UBR1: variants seen among roughly 807,000 people sequenced by gnomAD.
The protein encoded by UBR1 is ubiquitin protein ligase E3 component n-recognin 1.
In UBR1, 102 loss-of-function variants were observed where a neutral mutation model predicts 242.1. The observed-to-expected ratio is 0.42, with a 90% confidence interval of 0.36 to 0.50. UBR1 has a LOEUF of 0.50. Ranked by LOEUF, UBR1 falls within the 20% of genes least tolerant of loss-of-function variation. The pLI, the probability that UBR1 is intolerant of heterozygous loss-of-function variation, is 0.01. For missense variants in UBR1, 1,772 were observed against 2,101.8 expected (o/e 0.84, Z 3.07); for synonymous variants, 675 against 684.8 (o/e 0.99, Z 0.22).
At chr15:42,966,664 C>T (rs1006791757) in intron 40 of UBR1, among the ~76,000 whole-genome samples, 3 of 145,630 alleles carry the variant, frequency 2.1e-5, no homozygotes, top group East Asian at 2.0e-4. Flanking sequence ...GGCAACAGAG[C>T]GAGACGCTGA....
At position 43,106,008 on chromosome 15, in the gene UBR1, C is replaced by T. The variant is rs2034293920; in HGVS notation, c.15G>A (p.Glu5=). MADE[E]AGGTERMEIS... The stretch of plus-strand genomic sequence containing the variant: ...TTTCCATCCTCTCAGTACCTCCAGC[C>T]TCCTCGTCCGCCATCTTGAGGGAAA... The change falls in exon 1 of 47, where the codon GAG becomes GAA. Residue 5 remains glutamate (E), a synonymous_variant. Transcript: ENST00000290650. 1.2e-6 allele frequency: 2 copies of T among 1,613,312 alleles called. No individual in the cohort carries two copies. Among genetic ancestry groups the T allele is most frequent in the East Asian group, 2.2e-5 (1 of 44,848 alleles).
chr15:43,005,188 C>T (rs1365683098), intron 30 of UBR1, among the ~76,000 whole-genome samples: 1 of 152,074 alleles, frequency 6.6e-6, no homozygotes, highest in East Asian at 1.9e-4. Context: ...CCAGCAGCCG[C>T]CCCATCTGGG....
chr15:42,985,583 C>A (rs2032445422), intron 35 of UBR1, among the ~76,000 whole-genome samples: 1 of 152,084 alleles, frequency 6.6e-6, no homozygotes, highest in Non-Finnish European at 1.5e-5. Context: ...GCACTTCTGA[C>A]CTTAGGTGAT....
chr15:42,983,062 ACT>A (rs1408008030), intron 37 of UBR1, among the ~76,000 whole-genome samples: 1 of 152,074 alleles, frequency 6.6e-6, no homozygotes, highest in Non-Finnish European at 1.5e-5. Context: ...CACCATATGA[ACT>A]CTTAGTAAAT....
chr15:43,022,627 G>A, intron 26 of UBR1, 75 bp downstream of exon 26: 1 of 1,071,108 alleles, frequency 9.3e-7, no homozygotes, highest in Non-Finnish European at 1.4e-6. Context: ...TAAACTTTCA[G>A]GATTGACAAA....
At chr15:43,034,316 C>A (rs1400086330) in intron 19 of UBR1, among the ~76,000 whole-genome samples, 1 of 150,808 alleles carries the variant, frequency 6.6e-6, no homozygotes, top group African/African-American at 2.4e-5. Context: ...GTGGCTTATC[C>A]CTGCAGGCCC....
chr15:42,951,952 G>A (rs907347571), intron 45 of UBR1, among the ~76,000 whole-genome samples: 8 of 152,066 alleles, frequency 5.3e-5, no homozygotes, highest in African/African-American at 1.9e-4. Context: ...TTATTTTAAA[G>A]AGCTCATCTT....
intron 42 of UBR1, among the ~76,000 whole-genome samples, chr15:42,962,408 G>T (rs540145737): frequency 1.3e-5 from 2 of 152,240 alleles, no homozygotes; most frequent in African/African-American, 4.8e-5. Flanking sequence ...CTTGTCTGGT[G>T]GGAACTGGAG....
At chr15:43,022,023 A>G (rs909295376) in intron 26 of UBR1, among the ~76,000 whole-genome samples, 1 of 152,168 alleles carries the variant, frequency 6.6e-6, no homozygotes, top group Non-Finnish European at 1.5e-5. Flanking sequence ...TTGACTCAAC[A>G]TCTAAGCAAA....
At chr15:43,003,697 A>C in intron 31 of UBR1, 140 bp downstream of exon 31, 1 of 830,696 alleles carries the variant, frequency 1.2e-6, no homozygotes. Flanking sequence ...TCATGCAAAC[A>C]GAATTAGTAA....
chr15:42,981,635 G>T (rs2032380292), intron 37 of UBR1, among the ~76,000 whole-genome samples: 3 of 151,950 alleles, frequency 2.0e-5, no homozygotes, highest in Admixed American at 1.3e-4. Context: ...GACTACAGGC[G>T]CCCGCCACCA....
At chr15:43,035,142 T>G (rs1158573333) in intron 19 of UBR1, among the ~76,000 whole-genome samples, 2 of 152,080 alleles carry the variant, frequency 1.3e-5, no homozygotes, top group Non-Finnish European at 2.9e-5. Context: ...GAAAAAAAAC[T>G]TTTCACAATA....
intron 19 of UBR1, 72 bp from the exon 20 acceptor site, chr15:43,032,703 G>A (rs577648284): frequency 2.0e-5 from 18 of 900,904 alleles, no homozygotes; most frequent in South Asian, 2.8e-5. Flanking sequence ...ATTTCTGGAC[G>A]AGACTCATGG....
intron 21 of UBR1, among the ~76,000 whole-genome samples, chr15:43,029,125 G>GCGCGCACACACACACACACA (rs750364868): frequency 2.6e-5 from 4 of 150,956 alleles, no homozygotes; most frequent in African/African-American, 9.8e-5. Context: ...ACACACACAC[G>GCGCGCACACACACACACACA]CACACACACA....
chr15:42,982,279 G>A (rs564223262), intron 37 of UBR1, among the ~76,000 whole-genome samples: 2 of 152,190 alleles, frequency 1.3e-5, no homozygotes, highest in African/African-American at 4.8e-5. Flanking sequence ...AAATGAAAAA[G>A]ATACCAAAAA....
At position 42,963,804 on chromosome 15, in the gene UBR1, C is replaced by T. The variant is rs547244757; in HGVS notation, c.4700+131G>A. 1.3e-5 allele frequency: 9 copies of T among 694,286 alleles called. No individual in the cohort carries two copies. The East Asian group carries it at 2.6e-4, about 20-fold the overall frequency. 43.0% of individuals were successfully genotyped at this position (694,286 alleles called of 1,614,324 possible). A position where few individuals can be genotyped will look rare whatever the true frequency, so the allele number is the denominator to read the frequency against. On this transcript the variant is annotated intron_variant, in intron 42 of 46. Coordinates refer to ENST00000290650, the MANE Select transcript of UBR1 (RefSeq NM_174916.3). ...TTATCCCCACTTCTTAAGTGTGTAA[C>T]TTAGGAATCTCCTATACTTTTGCCA... is the stretch of plus-strand genomic sequence containing the variant.
rs1368900931 is a variant in UBR1 at position 43,043,331 on chromosome 15, A to G, written c.1733T>C (p.Phe578Ser). ...HKAVMRCSTS[F>S]ISSSKTVVQS... ...TACTACTGTCTTGCTACTAGATATGAAACTGGTACTGCACCTCATCACAGC... is the reference window on the plus strand; with the variant it reads ...TACTACTGTCTTGCTACTAGATATGGAACTGGTACTGCACCTCATCACAGC... The change falls in exon 15 of 47, where the codon TTC (phenylalanine) becomes TCC (serine). Residue 578 changes from phenylalanine (F) to serine (S), a missense_variant. Transcript: ENST00000290650. 1 of 1,614,148 alleles carries G rather than the reference A, an allele frequency of 6.2e-7. No individual in the cohort carries two copies. Among genetic ancestry groups the G allele is most frequent in the Admixed American group, 1.7e-5 (1 of 60,014 alleles).
At chr15:43,060,003 T>A (rs1366959681) in intron 7 of UBR1, 49 bp downstream of exon 7, 2 of 1,599,500 alleles carry the variant, frequency 1.3e-6, no homozygotes, top group African/African-American at 1.3e-5. Flanking sequence ...GCTCTTGTAA[T>A]GTACATTCAT....
intron 20 of UBR1, 83 bp from the exon 21 acceptor site, chr15:43,030,151 C>A: frequency 1.4e-6 from 2 of 1,426,044 alleles, no homozygotes; most frequent in South Asian, 2.4e-5. Context: ...CACTTACACA[C>A]AGAACACTGC....
Sources: allele counts gnomAD v4.1 joint callset (sites outside exome capture counted in the v4.1 genomes callset), GRCh38; gene constraint gnomAD v4.1.1; transcripts MANE v1.5; gene names NCBI Gene and HGNC (gene_info 2026-07-23, HGNC 2026-07-21).